GALK2: variants seen among roughly 807,000 people sequenced by gnomAD.
GALK2 encodes the protein N-acetylgalactosamine kinase.
In GALK2, 36 loss-of-function variants were observed where a neutral mutation model predicts 52.4. That is an observed-to-expected ratio of 0.69 (90% CI 0.53 to 0.91). The LOEUF is 0.91. GALK2 is among the 40% of genes least tolerant of loss of function. GALK2 has a pLI of 0.00. For synonymous variants in GALK2, 176 were observed against 199.1 expected (o/e 0.88, Z 0.98); for missense variants, 579 against 559.1 (o/e 1.04, Z -0.36).
rs1595846152 is a variant in GALK2 at position 49,253,827 on chromosome 15, C to G, written c.504+14460C>G. Among the ~76,000 whole-genome samples, 4 of 143,058 alleles carry G rather than the reference C, an allele frequency of 2.8e-5. No homozygotes were observed. In the East Asian group the frequency reaches 7.7e-4, roughly 28 times the overall value. 93.9% of individuals were successfully genotyped at this position (143,058 alleles called of 152,430 possible). A position where few individuals can be genotyped will look rare whatever the true frequency, so the allele number is the denominator to read the frequency against. On this transcript the variant is annotated intron_variant, in intron 5 of 9. Coordinates refer to ENST00000560031, the MANE Select transcript of GALK2 (RefSeq NM_002044.4). ...CATTGTCCCCATTTCATCTTTGGAC[C>G]TTAAAACACCAAGCATCATCATCAT... is the stretch of plus-strand genomic sequence containing the variant.
At chr15:49,167,305 G>A (rs528024446), upstream of GALK2, among the ~76,000 whole-genome samples, 1 of 152,172 alleles carries the variant, frequency 6.6e-6, no homozygotes, top group African/African-American at 2.4e-5. Context: ...AAGAACCAGA[G>A]GTTCAGGATT....
chr15:49,182,875 T>C (rs2086076609), intron 1 of GALK2, among the ~76,000 whole-genome samples: 2 of 152,216 alleles, frequency 1.3e-5, no homozygotes, highest in South Asian at 4.1e-4. Flanking sequence ...CTCATTACAT[T>C]TTCTGGTTTT....
intron 6 of GALK2, 151 bp from the exon 7 acceptor site, chr15:49,283,415 C>T (rs540991779): frequency 4.7e-6 from 3 of 632,242 alleles, no homozygotes; most frequent in Non-Finnish European, 2.7e-6. Flanking sequence ...GTTGTATTTC[C>T]AGTGCCTAGT....
intron 3 of GALK2, among the ~76,000 whole-genome samples, chr15:49,348,019 C>CAAAAAA (rs67614443): frequency 1.4e-5 from 1 of 70,098 alleles, no homozygotes; most frequent in Admixed American, 1.8e-4. Context: ...AACTCTGTCT[C>CAAAAAA]AAAAAAAAAA....
chr15:49,168,468 C>T (rs2084896324), upstream of GALK2, among the ~76,000 whole-genome samples: 1 of 152,098 alleles, frequency 6.6e-6, no homozygotes, highest in South Asian at 2.1e-4. Flanking sequence ...CCTTTAATCC[C>T]AGAATTTTGG....
intron 1 of GALK2, among the ~76,000 whole-genome samples, chr15:49,180,091 C>A (rs2085845648): frequency 6.6e-6 from 1 of 152,062 alleles, no homozygotes; most frequent in African/African-American, 2.4e-5. Context: ...GAACAGACTG[C>A]CTTCCCAAGG....
intron 5 of GALK2, among the ~76,000 whole-genome samples, chr15:49,264,422 A>C (rs2092274376): frequency 6.6e-6 from 1 of 152,018 alleles, no homozygotes; most frequent in South Asian, 2.1e-4. Context: ...CAGCTCCATC[A>C]GCTCCTTTAA....
chr15:49,332,356 G>C (rs1157546515), downstream of GALK2, among the ~76,000 whole-genome samples: 7 of 152,238 alleles, frequency 4.6e-5, no homozygotes, highest in Admixed American at 2.6e-4. Flanking sequence ...ACACAGGAAA[G>C]AAAGAGAGGG....
chr15:49,228,688 T>TATATATATATATATGTATATATA, intron 3 of GALK2, among the ~76,000 whole-genome samples: 2 of 10,452 alleles, frequency 1.9e-4, no homozygotes, highest in Non-Finnish European at 3.6e-4. Context: ...TATATATATA[T>TATATATATATATATGTATATATA]TTTTTTTTTT....
intron 2 of GALK2, among the ~76,000 whole-genome samples, chr15:49,213,763 C>G (rs563778994): frequency 6.6e-6 from 1 of 152,090 alleles, no homozygotes; most frequent in African/African-American, 2.4e-5. Flanking sequence ...TCTCTTCCTT[C>G]CTTCTTGTCT....
At chr15:49,177,807 A>G in intron 1 of GALK2, 2 of 383,786 alleles carry the variant, frequency 5.2e-6, no homozygotes, top group African/African-American at 2.1e-5. Flanking sequence ...TATGGAGTGG[A>G]TGAATGAGGA....
intron 3 of GALK2, among the ~76,000 whole-genome samples, chr15:49,221,537 C>T (rs938389808): frequency 1.3e-5 from 2 of 151,746 alleles, no homozygotes; most frequent in African/African-American, 2.4e-5. Context: ...TGTGGTGGTG[C>T]GTGCCTATAA....
chr15:49,311,335 C>A lies in GALK2; in HGVS notation c.968-8269C>A, dbSNP rs535274304. 2.3e-4 allele frequency among the ~76,000 whole-genome samples: 35 copies of A among 152,322 alleles called. No homozygotes were observed. The South Asian group carries it at 6.8e-3, about 30-fold the overall frequency. The stretch of plus-strand genomic sequence containing the variant: ...TAAAGGGCCAAGAACCACTTATCTG[C>A]AGGATACAATTTAAACATCTTAGCA... On this transcript the variant is annotated intron_variant, in intron 8 of 9. Coordinates refer to ENST00000560031, the MANE Select transcript of GALK2 (RefSeq NM_002044.4).
At chr15:49,335,326 C>T, downstream of GALK2, 1 of 783,690 alleles carries the variant, frequency 1.3e-6, no homozygotes, top group Non-Finnish European at 2.1e-6. Context: ...CTCTCCTCAT[C>T]ATTAAGGAAC....
At chr15:49,155,949 G>A in exon 1 of GALK2, 1 of 1,610,434 alleles carries the variant, frequency 6.2e-7, no homozygotes, top group Admixed American at 1.7e-5. Context: ...TCCGGTGAAA[G>A]TAAGGGACAG....
chr15:49,171,492 T>A (rs1282099695), intron 1 of GALK2, among the ~76,000 whole-genome samples: 1 of 152,178 alleles, frequency 6.6e-6, no homozygotes, highest in Non-Finnish European at 1.5e-5. Flanking sequence ...GTTGATGATA[T>A]TATACTTTAC....
intron 1 of GALK2, among the ~76,000 whole-genome samples, chr15:49,157,123 T>C (rs2084484686): frequency 6.6e-6 from 1 of 152,228 alleles, no homozygotes; most frequent in Non-Finnish European, 1.5e-5. Context: ...AGTTAATTTG[T>C]TATTTTAGAC....
intron 1 of GALK2, chr15:49,170,601 A>G: frequency 3.8e-6 from 2 of 533,268 alleles, no homozygotes; most frequent in East Asian, 2.9e-5. Context: ...TTCTTCATCC[A>G]TGCAGATTCT....
intron 7 of GALK2, among the ~76,000 whole-genome samples, chr15:49,290,148 C>T (rs1297857110): frequency 6.6e-6 from 1 of 152,240 alleles, no homozygotes; most frequent in Non-Finnish European, 1.5e-5. Context: ...CAAGTGCCTC[C>T]ATGAAGCTCT....
Sources: gnomAD v4.1 joint callset for allele counts (sites outside exome capture counted in the v4.1 genomes callset) on GRCh38, gnomAD v4.1.1 for gene constraint, MANE v1.5 for transcripts, NCBI Gene and HGNC (gene_info 2026-07-23, HGNC 2026-07-21) for gene names.